Variants in MLIP observed in about 807,000 individuals in gnomAD.
MLIP encodes muscular LMNA-interacting protein.
Under a neutral mutation model 84.8 loss-of-function variants are expected in MLIP, and 79 were observed. The ratio of observed to expected loss-of-function variants is 0.93; its 90% CI spans 0.78 to 1.12. MLIP has a LOEUF of 1.12. MLIP is among the 50% of genes most tolerant of loss of function. The pLI, the probability that MLIP is intolerant of heterozygous loss-of-function variation, is 0.00. For synonymous variants in MLIP, 504 were observed against 463.0 expected (o/e 1.09, Z -1.14); for missense variants, 1,257 against 1,160.6 (o/e 1.08, Z -1.21).
chr6:54,022,734 T>C (rs1763565698), intron 1 of MLIP, among the ~76,000 whole-genome samples: 1 of 152,176 alleles, frequency 6.6e-6, no homozygotes, highest in Non-Finnish European at 1.5e-5. Context: ...CAGGGCATTC[T>C]GATAAATAAT....
At chr6:54,158,086 T>C (rs911807120) in intron 5 of MLIP, among the ~76,000 whole-genome samples, 1 of 152,088 alleles carries the variant, frequency 6.6e-6, no homozygotes, top group Non-Finnish European at 1.5e-5. Flanking sequence ...AGTTCTAGCA[T>C]CTGGACCTGG....
chr6:54,210,711 A>G (rs922659222), intron 11 of MLIP, among the ~76,000 whole-genome samples: 2 of 136,352 alleles, frequency 1.5e-5, no homozygotes, highest in Non-Finnish European at 3.2e-5. Context: ...TGCATTTACA[A>G]TAAAGACTCC....
At chr6:54,223,590 A>G (rs1482052273) in intron 11 of MLIP, among the ~76,000 whole-genome samples, 1 of 152,060 alleles carries the variant, frequency 6.6e-6, no homozygotes. Context: ...GTCTGCTTTT[A>G]TGACAGTGCC....
chr6:54,216,938 T>C (rs1779893474), intron 11 of MLIP: 1 of 985,432 alleles, frequency 1.0e-6, no homozygotes, highest in South Asian at 4.7e-5. Flanking sequence ...AAAATATTAC[T>C]ACTGTTCATG....
intron 1 of MLIP, among the ~76,000 whole-genome samples, chr6:54,074,201 T>C (rs958636396): frequency 6.6e-6 from 1 of 152,188 alleles, no homozygotes; most frequent in African/African-American, 2.4e-5. Context: ...TATGTTCCTG[T>C]TGTGATAGGT....
chr6:54,166,502 G>T (rs896455475), intron 8 of MLIP, among the ~76,000 whole-genome samples: 1 of 151,798 alleles, frequency 6.6e-6, no homozygotes, highest in Non-Finnish European at 1.5e-5. Context: ...TGAGATAGTT[G>T]CTCACACCCT....
rs1561950094 is a variant in MLIP, at chr6:54,121,523, C to T, written c.173C>T (p.Thr58Ile). 1.9e-6 allele frequency: 3 copies of T among 1,613,812 alleles called. No individual in the cohort carries two copies. The highest frequency in any genetic ancestry group is 1.1e-5 in the South Asian group (1 of 91,068). Residue 58 changes from threonine (T) to isoleucine (I), a missense_variant, in exon 2 of 14, where the codon ACT becomes ATT. Transcript: ENST00000502396. ...VPTVRRLPTH[T>I]QLADTSKFLV... ...ACTGTCAGAAGACTACCAACCCATA[C>T]TCAGTTGGCTGACACCTCTAAATTC...
intron 12 of MLIP, among the ~76,000 whole-genome samples, chr6:54,236,669 T>C (rs1447806201): frequency 2.6e-5 from 4 of 151,300 alleles, no homozygotes; most frequent in African/African-American, 9.8e-5. Context: ...CATCTCTGTG[T>C]GTTTTGTTGG....
At chr6:54,101,453 A>T (rs977483465) in intron 1 of MLIP, among the ~76,000 whole-genome samples, 1 of 152,094 alleles carries the variant, frequency 6.6e-6, no homozygotes, top group African/African-American at 2.4e-5. Context: ...TGAGGTTCAG[A>T]TGCTTTTATT....
intron 2 of MLIP, among the ~76,000 whole-genome samples, chr6:54,124,087 G>A (rs916885652): frequency 6.6e-6 from 1 of 152,062 alleles, no homozygotes; most frequent in Admixed American, 6.6e-5. Flanking sequence ...TTCCTCCCTT[G>A]GCTTTTAAAG....
At chr6:54,051,730 A>G (rs920564584) in intron 1 of MLIP, among the ~76,000 whole-genome samples, 4 of 152,152 alleles carry the variant, frequency 2.6e-5, no homozygotes, top group African/African-American at 7.2e-5. Flanking sequence ...CTAGAAAATG[A>G]GGGAACAGGA....
chr6:54,104,020 A>G (rs1768836864), intron 1 of MLIP, among the ~76,000 whole-genome samples: 1 of 151,818 alleles, frequency 6.6e-6, no homozygotes, highest in South Asian at 2.1e-4. Context: ...AATCAATTAA[A>G]CCCTCTTATA....
intron 1 of MLIP, among the ~76,000 whole-genome samples, chr6:54,094,212 G>A (rs1032303529): frequency 1.3e-5 from 2 of 151,694 alleles, no homozygotes; most frequent in Admixed American, 1.3e-4. Context: ...TCCTGATATT[G>A]CCTAAGTTTT....
At chr6:54,102,946 G>A (rs915578180) in intron 1 of MLIP, among the ~76,000 whole-genome samples, 3 of 152,106 alleles carry the variant, frequency 2.0e-5, no homozygotes, top group African/African-American at 4.8e-5. Context: ...ATGGAGCCAG[G>A]GAAGCCCTCT....
chr6:54,080,388 T>G (rs1031245633), intron 1 of MLIP, among the ~76,000 whole-genome samples: 5 of 152,080 alleles, frequency 3.3e-5, no homozygotes, highest in Non-Finnish European at 7.4e-5. Flanking sequence ...TAGGAACCCC[T>G]AAACCTCTCC....
At chr6:54,216,369 A>G (rs1006355036) in intron 11 of MLIP, 2 of 985,220 alleles carry the variant, frequency 2.0e-6, no homozygotes, top group African/African-American at 3.5e-5. Flanking sequence ...GAAATAAAAG[A>G]CCAGAATCCA....
chr6:54,034,857 C>A (rs975799908), intron 1 of MLIP, among the ~76,000 whole-genome samples: 1 of 152,148 alleles, frequency 6.6e-6, no homozygotes, highest in African/African-American at 2.4e-5. Context: ...CTGACCCACC[C>A]AGAGCAACTT....
rs144894408 is a variant in MLIP, at chr6:54,249,469, C to CT, written c.2923-7830dup. On this transcript the variant is annotated intron_variant, in intron 12 of 13. Transcript: ENST00000502396. ...AAATCTTTAAGACATATAGCTAATTCTTTTTTTTTGATATGAGAGGCATAT... is the reference window on the plus strand; with the variant it reads ...AAATCTTTAAGACATATAGCTAATTCTTTTTTTTTTGATATGAGAGGCATAT... Among the ~76,000 whole-genome samples, 1,293 of 150,778 alleles carry CT rather than the reference C, an allele frequency of 8.6e-3. 19 individuals are homozygous for CT. The highest frequency in any genetic ancestry group is 0.028 in the African/African-American group (1,151 of 41,146).
At chr6:54,146,503 A>T (rs1318494962) in intron 4 of MLIP, among the ~76,000 whole-genome samples, 2 of 152,170 alleles carry the variant, frequency 1.3e-5, no homozygotes, top group Non-Finnish European at 2.9e-5. Context: ...TGATTTCAAG[A>T]GGGGGGAAAT....
Sources: gnomAD v4.1 joint callset for allele counts (sites outside exome capture counted in the v4.1 genomes callset) on GRCh38, gnomAD v4.1.1 for gene constraint, MANE v1.5 for transcripts, NCBI Gene and HGNC (gene_info 2026-07-23, HGNC 2026-07-21) for gene names.